Variants in JMJD1C observed in about 807,000 individuals in gnomAD.
JMJD1C encodes the protein jumonji domain-containing protein 1C.
JMJD1C carries 31 observed loss-of-function variants against 245.3 expected under a neutral mutation model. The observed-to-expected ratio is 0.13, with a 90% confidence interval of 0.09 to 0.17. The LOEUF (loss-of-function observed/expected upper bound fraction) is 0.17, where lower values mean the gene tolerates loss of function less well. Ranked by LOEUF, JMJD1C falls within the 10% of genes least tolerant of loss-of-function variation. The pLI, the probability that JMJD1C is intolerant of heterozygous loss-of-function variation, is 1.00. For missense variants in JMJD1C, 2,691 were observed against 3,000.2 expected (o/e 0.90, Z 2.41); for synonymous variants, 1,057 against 1,017.4 (o/e 1.04, Z -0.74).
In JMJD1C at chr10:63,191,084, T is replaced by G; in HGVS notation, c.6101A>C (p.Asn2034Thr). ...TTGTTCTCTTTCTTCTTTAATTTGG[T>G]TTTCAAGGGTAAGTTCTTTGTTTTC... ...KKENKELTLE[N>T]QIKEEREQDN... Residue 2034 changes from asparagine to threonine, a missense_variant, in exon 17 of 26, where the codon AAC becomes ACC. Transcript: ENST00000399262. 1 of 1,613,428 alleles carries G rather than the reference T, an allele frequency of 6.2e-7. No homozygotes were observed. Among genetic ancestry groups the G allele is most frequent in the Non-Finnish European group, 8.5e-7 (1 of 1,179,356 alleles).
At chr10:63,502,032 C>T (rs139821203) in intron 1 of JMJD1C, among the ~76,000 whole-genome samples, 83 of 152,166 alleles carry the variant, frequency 5.5e-4, no homozygotes, top group Non-Finnish European at 9.4e-4. Flanking sequence ...ATTTTCCTTC[C>T]TGTGTTGAAA....
At chr10:63,196,091 G>C (rs1037574241) in intron 13 of JMJD1C, among the ~76,000 whole-genome samples, 1 of 151,490 alleles carries the variant, frequency 6.6e-6, no homozygotes, top group South Asian at 2.1e-4. Flanking sequence ...TGGTAAAACC[G>C]TGTCTCTGCT....
intron 2 of JMJD1C, among the ~76,000 whole-genome samples, chr10:63,358,425 C>T (rs1469851230): frequency 2.6e-5 from 4 of 151,252 alleles, no homozygotes; most frequent in African/African-American, 9.7e-5. Flanking sequence ...AAGATAGATA[C>T]GGTGGTGTGT....
chr10:63,385,291 A>C (rs1309199513), intron 1 of JMJD1C, among the ~76,000 whole-genome samples: 1 of 152,078 alleles, frequency 6.6e-6, no homozygotes, highest in Non-Finnish European at 1.5e-5. Context: ...AAAGTTTGAA[A>C]TATCGTGATA....
At chr10:63,411,230 C>A (rs1354886566) in intron 1 of JMJD1C, among the ~76,000 whole-genome samples, 2 of 151,472 alleles carry the variant, frequency 1.3e-5, no homozygotes, top group African/African-American at 4.9e-5. Flanking sequence ...GGTAGAGGTA[C>A]CAGGTTAACT....
At chr10:63,521,562 T>G (rs765713511) in intron 1 of JMJD1C, 3 of 1,433,772 alleles carry the variant, frequency 2.1e-6, no homozygotes, top group Non-Finnish European at 2.8e-6. Flanking sequence ...TCCTGGATGA[T>G]CTCCAGAGCC....
chr10:63,213,468 C>T lies in JMJD1C; in HGVS notation c.2694+5G>A. On this transcript the variant is annotated splice_donor_5th_base_variant and intron_variant, in intron 8 of 25. Transcript: ENST00000399262. ...TGCTATGTGGCAAACTACAGTGTAA[C>T]TTACCCTCCTTAATGAAGCTTCAGC... 6.4e-7 allele frequency: 1 copy of T among 1,552,934 alleles called. No individual in the cohort carries two copies. Among genetic ancestry groups the T allele is most frequent in the Non-Finnish European group, 8.8e-7 (1 of 1,131,690 alleles).
chr10:63,304,822 G>A (rs766648665), intron 2 of JMJD1C, among the ~76,000 whole-genome samples: 10 of 152,120 alleles, frequency 6.6e-5, no homozygotes, highest in Non-Finnish European at 1.0e-4. Context: ...ACAGCAAATT[G>A]GTAAATAGCC....
At chr10:63,439,754 G>A (rs574241203) in intron 1 of JMJD1C, among the ~76,000 whole-genome samples, 1 of 152,214 alleles carries the variant, frequency 6.6e-6, no homozygotes, top group East Asian at 1.9e-4. Context: ...AAAACAACAT[G>A]TAGATCATAA....
At chr10:63,460,343 C>G (rs913025729) in intron 1 of JMJD1C, among the ~76,000 whole-genome samples, 2 of 151,924 alleles carry the variant, frequency 1.3e-5, no homozygotes, top group African/African-American at 4.8e-5. Context: ...AAAGTGAGAC[C>G]TCATCTCTAC....
At chr10:63,486,250 G>A (rs1377533125) in intron 1 of JMJD1C, among the ~76,000 whole-genome samples, 1 of 151,650 alleles carries the variant, frequency 6.6e-6, no homozygotes, top group Non-Finnish European at 1.5e-5. Context: ...AGCTTAGCAC[G>A]TTTAAGGGAC....
intron 10 of JMJD1C, chr10:63,204,498 T>C (rs1200449644): frequency 4.1e-6 from 4 of 985,316 alleles, no homozygotes; most frequent in Non-Finnish European, 4.8e-6. Context: ...TCTTTTGTTT[T>C]TGTTTTTTAA....
At chr10:63,343,294 A>C (rs1220901080) in intron 2 of JMJD1C, among the ~76,000 whole-genome samples, 2 of 152,036 alleles carry the variant, frequency 1.3e-5, no homozygotes, top group African/African-American at 2.4e-5. Flanking sequence ...TGAGCCCAGA[A>C]AGTGGAGGAC....
At chr10:63,405,083 T>C (rs1417035443) in intron 1 of JMJD1C, among the ~76,000 whole-genome samples, 1 of 152,178 alleles carries the variant, frequency 6.6e-6, no homozygotes, top group African/African-American at 2.4e-5. Context: ...ATAAAAATAC[T>C]ACCATCATAT....
intron 1 of JMJD1C, among the ~76,000 whole-genome samples, chr10:63,464,513 G>C (rs1260434477): frequency 6.6e-6 from 1 of 152,092 alleles, no homozygotes; most frequent in African/African-American, 2.4e-5. Context: ...AAATTTCACA[G>C]ATTACGTATT....
chr10:63,298,516 C>A (rs1859693940), intron 2 of JMJD1C, among the ~76,000 whole-genome samples: 2 of 152,132 alleles, frequency 1.3e-5, no homozygotes, highest in Non-Finnish European at 1.5e-5. Context: ...TATCCATATT[C>A]TCTCTTATAA....
At chr10:63,507,473 G>A (rs988488413) in intron 1 of JMJD1C, among the ~76,000 whole-genome samples, 1 of 151,740 alleles carries the variant, frequency 6.6e-6, no homozygotes, top group Non-Finnish European at 1.5e-5. Context: ...GTGAAAGCCT[G>A]TCTCTACTAA....
chr10:63,356,741 G>A (rs143162771), intron 2 of JMJD1C, among the ~76,000 whole-genome samples: 2,023 of 152,266 alleles, frequency 0.013, 29 homozygotes, highest in African/African-American at 0.034. Flanking sequence ...GGAGTAGGAA[G>A]GGAAGGCAAG....
chr10:63,387,112 G>T (rs971892413), intron 1 of JMJD1C, among the ~76,000 whole-genome samples: 1 of 152,098 alleles, frequency 6.6e-6, no homozygotes, highest in Non-Finnish European at 1.5e-5. Flanking sequence ...CATATATCCA[G>T]AATCAAAGCA....
Sources: allele counts gnomAD v4.1 joint callset (sites outside exome capture counted in the v4.1 genomes callset), GRCh38; gene constraint gnomAD v4.1.1; transcripts MANE v1.5; gene names NCBI Gene and HGNC (gene_info 2026-07-23, HGNC 2026-07-21).